HS2ST1: variants seen among roughly 807,000 people sequenced by gnomAD.
The protein encoded by HS2ST1 is 2-O-sulfotransferase.
In HS2ST1, 18 loss-of-function variants were observed where a neutral mutation model predicts 42.9. That is an observed-to-expected ratio of 0.42 (90% CI 0.29 to 0.62). The LOEUF is 0.62. Ranked by LOEUF, HS2ST1 falls within the 20% of genes least tolerant of loss-of-function variation. The pLI is 0.21. For missense variants in HS2ST1, 334 were observed against 433.8 expected (o/e 0.77, Z 2.04); for synonymous variants, 146 against 152.9 (o/e 0.95, Z 0.33).
intron 1 of HS2ST1, among the ~76,000 whole-genome samples, chr1:87,032,473 A>G (rs1650264442): frequency 6.6e-6 from 1 of 152,188 alleles, no homozygotes; most frequent in African/African-American, 2.4e-5. Context: ...CCCACTGTCA[A>G]AATAAATTAA....
intron 1 of HS2ST1, among the ~76,000 whole-genome samples, chr1:86,933,865 G>A (rs1041581509): frequency 1.3e-5 from 2 of 152,050 alleles, no homozygotes; most frequent in African/African-American, 2.4e-5. Flanking sequence ...ATTTCCTCTC[G>A]TGTAACTGCT....
intron 1 of HS2ST1, among the ~76,000 whole-genome samples, chr1:86,943,745 GC>G (rs994099835): frequency 5.9e-5 from 9 of 151,902 alleles, no homozygotes; most frequent in Admixed American, 1.3e-4. Flanking sequence ...AAAAATTCTG[GC>G]CAGGCAGGGT....
intron 1 of HS2ST1, among the ~76,000 whole-genome samples, chr1:86,997,326 A>C (rs1055930243): frequency 1.3e-5 from 2 of 152,174 alleles, no homozygotes; most frequent in African/African-American, 2.4e-5. Flanking sequence ...CTGGAAACCC[A>C]TCTGATAACA....
At chr1:87,018,852 T>A (rs1238332707) in intron 1 of HS2ST1, among the ~76,000 whole-genome samples, 1 of 152,228 alleles carries the variant, frequency 6.6e-6, no homozygotes, top group Non-Finnish European at 1.5e-5. Context: ...TGTTTAGTTA[T>A]AATAATGATT....
At chr1:86,968,730 A>G (rs548801642) in intron 1 of HS2ST1, among the ~76,000 whole-genome samples, 2 of 152,244 alleles carry the variant, frequency 1.3e-5, no homozygotes, top group African/African-American at 4.8e-5. Flanking sequence ...TGGTTCTTCT[A>G]ACTTTCTCTA....
At chr1:87,043,062 A>T (rs900283878) in intron 1 of HS2ST1, among the ~76,000 whole-genome samples, 4 of 152,146 alleles carry the variant, frequency 2.6e-5, no homozygotes, top group Admixed American at 6.5e-5. Context: ...GAGAAATAAC[A>T]GACACATCTG....
intron 1 of HS2ST1, among the ~76,000 whole-genome samples, chr1:86,951,340 G>GT (rs1219506723): frequency 6.6e-6 from 1 of 152,028 alleles, no homozygotes; most frequent in Admixed American, 6.6e-5. Flanking sequence ...AAAAACAGGC[G>GT]TATCTCAGAA....
intron 4 of HS2ST1, among the ~76,000 whole-genome samples, chr1:87,095,725 CTTTTGTTTTG>C (rs147237837): frequency 6.6e-6 from 1 of 151,978 alleles, no homozygotes; most frequent in Non-Finnish European, 1.5e-5. Flanking sequence ...GCCCAAAGAG[CTTTTGTTTTG>C]TTTTGTTTTG....
chr1:86,947,039 T>A (rs1353227056), intron 1 of HS2ST1, among the ~76,000 whole-genome samples: 3 of 152,218 alleles, frequency 2.0e-5, no homozygotes, highest in Non-Finnish European at 4.4e-5. Context: ...CAGCATGTTT[T>A]GCACCAGTTT....
chr1:86,931,513 A>G (rs1380095165), intron 1 of HS2ST1, among the ~76,000 whole-genome samples: 1 of 152,120 alleles, frequency 6.6e-6, no homozygotes, highest in Non-Finnish European at 1.5e-5. Context: ...GGAGCCAGGA[A>G]AGCAGATTTC....
intron 1 of HS2ST1, among the ~76,000 whole-genome samples, chr1:87,014,256 C>G (rs1649685997): frequency 6.6e-6 from 1 of 152,150 alleles, no homozygotes; most frequent in Non-Finnish European, 1.5e-5. Context: ...CTGGGGAGGC[C>G]TCACAATCAT....
At chr1:86,995,918 A>G (rs1170364498) in intron 1 of HS2ST1, among the ~76,000 whole-genome samples, 2 of 152,188 alleles carry the variant, frequency 1.3e-5, no homozygotes, top group African/African-American at 2.4e-5. Flanking sequence ...AAAAGGTGAT[A>G]ATTAAGATGA....
At chr1:86,945,693 C>T (rs1480321582) in intron 1 of HS2ST1, among the ~76,000 whole-genome samples, 1 of 152,132 alleles carries the variant, frequency 6.6e-6, no homozygotes, top group Non-Finnish European at 1.5e-5. Context: ...ATATGCCAGG[C>T]ATCGGAAGAA....
chr1:86,990,568 C>T (rs182762797), intron 1 of HS2ST1, among the ~76,000 whole-genome samples: 5 of 151,720 alleles, frequency 3.3e-5, no homozygotes, highest in South Asian at 2.1e-4. Flanking sequence ...TGCCATTTAT[C>T]GCCAGTTTTT....
At chr1:87,024,661 G>T (rs1020256642) in intron 1 of HS2ST1, among the ~76,000 whole-genome samples, 7 of 152,142 alleles carry the variant, frequency 4.6e-5, no homozygotes, top group African/African-American at 1.7e-4. Flanking sequence ...TGGGATTGCT[G>T]TAAGGATTGA....
chr1:87,067,255 A>G (rs1329446369), intron 1 of HS2ST1, among the ~76,000 whole-genome samples: 1 of 152,078 alleles, frequency 6.6e-6, no homozygotes, highest in Non-Finnish European at 1.5e-5. Flanking sequence ...CTTTTTAATG[A>G]TTGCCATTCT....
intron 1 of HS2ST1, among the ~76,000 whole-genome samples, chr1:87,016,437 TCTTG>T (rs1213059184): frequency 4.6e-5 from 7 of 152,216 alleles, no homozygotes; most frequent in East Asian, 3.8e-4. Context: ...CTTTACCCTT[TCTTG>T]CTTTCTTTCT....
At chr1:87,098,131 T>A in intron 5 of HS2ST1, 196 bp downstream of exon 5, 1 of 1,264,998 alleles carries the variant, frequency 7.9e-7, no homozygotes, top group Non-Finnish European at 1.0e-6. Flanking sequence ...GATATCCTAA[T>A]ATCCTTGCAT....
intron 1 of HS2ST1, among the ~76,000 whole-genome samples, chr1:87,009,525 C>T (rs192157176): frequency 4.6e-5 from 7 of 152,246 alleles, no homozygotes; most frequent in Admixed American, 6.5e-5. Context: ...GTATTGCTTA[C>T]GATATTGGAC....
Sources: allele counts gnomAD v4.1 joint callset (sites outside exome capture counted in the v4.1 genomes callset), GRCh38; gene constraint gnomAD v4.1.1; transcripts MANE v1.5; gene names NCBI Gene and HGNC (gene_info 2026-07-23, HGNC 2026-07-21).